The following ZFHX3 variants were observed in gnomAD, a reference collection of about 807,000 sequenced individuals.
ZFHX3 encodes the protein zinc finger homeobox protein 3.
In ZFHX3, 42 loss-of-function variants were observed where a neutral mutation model predicts 279.1. The observed-to-expected ratio is 0.15, with a 90% confidence interval of 0.12 to 0.19. The LOEUF (loss-of-function observed/expected upper bound fraction) is 0.19. ZFHX3 is among the 10% of genes least tolerant of loss of function. ZFHX3 has a pLI of 1.00. For missense variants in ZFHX3, 4,981 were observed against 4,754.0 expected (o/e 1.05, Z -1.40); for synonymous variants, 2,293 against 1,957.8 (o/e 1.17, Z -4.52).
At chr16:73,757,541 ATATT>A (rs1034830538) in intron 1 of ZFHX3, among the ~76,000 whole-genome samples, 1 of 152,164 alleles carries the variant, frequency 6.6e-6, no homozygotes, top group Admixed American at 6.5e-5. Flanking sequence ...AATTCAGTAA[ATATT>A]TATTGGGCAC....
chr16:73,013,447 C>T (rs556647939), intron 1 of ZFHX3, among the ~76,000 whole-genome samples: 5 of 151,996 alleles, frequency 3.3e-5, no homozygotes, highest in Non-Finnish European at 7.4e-5. Context: ...GCCACCACAC[C>T]CAGCTAATTT....
intron 3 of ZFHX3, among the ~76,000 whole-genome samples, chr16:72,930,540 A>G (rs1959730536): frequency 6.6e-6 from 1 of 152,220 alleles, no homozygotes; most frequent in Non-Finnish European, 1.5e-5. Flanking sequence ...ATCTGAACAC[A>G]ACCCGCTTGT....
At position 73,682,870 on chromosome 16, in the gene ZFHX3, GAA is replaced by G. The variant is rs1196944976; in HGVS notation, c.-1607-2632_-1607-2631del. On this transcript the variant is annotated intron_variant, in intron 1 of 17. Transcript: ENST00000641206. ...AAAGAAAGAGAAAGAAAGAAAGAAA[GAA>G]AGAAAGAAAGAAAGAAAGAAAGAAA... Among the ~76,000 whole-genome samples, 26 of 27,820 alleles carry G rather than the reference GAA, an allele frequency of 9.3e-4. 1 individual carries two copies. In the East Asian group the frequency reaches 0.1, roughly 112 times the overall value. The allele number at this position is 27,820 out of a possible 152,430, so 18.3% of individuals were successfully genotyped here.
At chr16:72,874,269 C>T (rs971221585) in intron 4 of ZFHX3, among the ~76,000 whole-genome samples, 2 of 142,104 alleles carry the variant, frequency 1.4e-5, no homozygotes, top group South Asian at 4.6e-4. Context: ...TGCAGTGGCA[C>T]AATCTCGGCT....
intron 1 of ZFHX3, among the ~76,000 whole-genome samples, chr16:73,839,793 A>G (rs1567426889): frequency 2.0e-5 from 3 of 152,156 alleles, no homozygotes; most frequent in African/African-American, 4.8e-5. Flanking sequence ...GCCCTCCGAC[A>G]TGGGAAACAG....
At chr16:73,583,220 A>C (rs1439214588) in intron 2 of ZFHX3, among the ~76,000 whole-genome samples, 1 of 152,194 alleles carries the variant, frequency 6.6e-6, no homozygotes, top group African/African-American at 2.4e-5. Flanking sequence ...TTCCCCAAGA[A>C]ATGAGCCTAT....
intron 2 of ZFHX3, among the ~76,000 whole-genome samples, chr16:73,516,733 T>G (rs2019528875): frequency 1.3e-5 from 2 of 152,198 alleles, no homozygotes; most frequent in African/African-American, 4.8e-5. Context: ...GTGCAGGAGC[T>G]CTGTCTGACT....
At chr16:73,126,992 G>C (rs189482827) in intron 7 of ZFHX3, 1 of 161,578 alleles carries the variant, frequency 6.2e-6, no homozygotes, top group Non-Finnish European at 1.4e-5. Flanking sequence ...AAAAGAAAAC[G>C]GGAGAGGAAG....
intron 1 of ZFHX3, among the ~76,000 whole-genome samples, chr16:73,850,569 G>A (rs891299011): frequency 1.3e-5 from 2 of 152,168 alleles, no homozygotes; most frequent in African/African-American, 4.8e-5. Flanking sequence ...AAGTTAGAAT[G>A]TGCTTTCAGG....
At chr16:73,178,412 C>T (rs975108720) in intron 5 of ZFHX3, among the ~76,000 whole-genome samples, 7 of 152,202 alleles carry the variant, frequency 4.6e-5, no homozygotes, top group South Asian at 2.1e-4. Flanking sequence ...GTGCTGGGAT[C>T]GCAGGCGTGA....
intron 3 of ZFHX3, among the ~76,000 whole-genome samples, chr16:73,414,044 A>G (rs1198294465): frequency 6.6e-6 from 1 of 152,238 alleles, no homozygotes; most frequent in Non-Finnish European, 1.5e-5. Context: ...AAACAAAAAA[A>G]CTGTTTAACC....
At position 72,796,332 on chromosome 16, in the gene ZFHX3, T is replaced by C; in HGVS notation, c.6350A>G (p.Gln2117Arg). 1 of 1,614,016 alleles carries C rather than the reference T, an allele frequency of 6.2e-7. No individual in the cohort carries two copies. The highest frequency in any genetic ancestry group is 8.5e-7 in the Non-Finnish European group (1 of 1,180,008). ...AGGCAGAGGCTCCACAGGTCCCAGCTGCGGGGGTAGCTGAGCCGGCAAGGT... is the reference window on the plus strand; with the variant it reads ...AGGCAGAGGCTCCACAGGTCCCAGCCGCGGGGGTAGCTGAGCCGGCAAGGT... ...LQTLPAQLPP[Q>R]LGPVEPLPAD... is the part of the protein sequence containing the mutation. Residue 2117 changes from glutamine (Q) to arginine (R), a missense_variant, in exon 9 of 10, where the codon CAG (glutamine) becomes CGG (arginine). By Grantham distance (43) the Gln-to-Arg change is conservative (BLOSUM62 1). Coordinates refer to ENST00000268489, the MANE Select transcript of ZFHX3 (RefSeq NM_006885.4).
At chr16:72,805,860 GCTT>G (rs1236934053) in intron 7 of ZFHX3, 1 of 152,166 alleles carries the variant, frequency 6.6e-6, no homozygotes, top group Non-Finnish European at 1.5e-5. Flanking sequence ...AAAAGGCTCA[GCTT>G]CTTCTCTCCT....
intron 4 of ZFHX3, among the ~76,000 whole-genome samples, chr16:72,875,004 G>A (rs572825059): frequency 6.2e-4 from 94 of 152,342 alleles, no homozygotes; most frequent in Non-Finnish European, 2.1e-4. Flanking sequence ...GAGGTGTCAG[G>A]TCTCTCTTCC....
chr16:72,794,072 T>C lies in ZFHX3; in HGVS notation c.8610A>G (p.Ala2870=), dbSNP rs201791564. 6.2e-7 allele frequency: 1 copy of C among 1,614,232 alleles called. No individual in the cohort carries two copies. The highest frequency in any genetic ancestry group is 2.2e-5 in the East Asian group (1 of 44,882). The change falls in exon 9 of 10, where the codon GCA becomes GCG. Residue 2870 remains alanine, a synonymous_variant. Transcript: ENST00000268489. The surrounding 1 kb of genome is among the most constrained non-coding windows in gnomAD (Gnocchi z 4.2). ...CCGCTTTGGTCAACCCTTCGTTGGG[T>C]GCAGAAGAGGATTTGGTTTCAGTTG... The part of the protein sequence containing the change: ...GIATETKSSS[A]PNEGLTKAAM...
At position 72,959,731 on chromosome 16, in the gene ZFHX3, C is replaced by T. The variant is rs780015879; in HGVS notation, c.415G>A (p.Gly139Ser). ...AGGCTCTCCACAATGTACGCGGAGCCGTCCGGCTGGTAGACGATCTCCCCG... is the reference window on the plus strand; with the variant it reads ...AGGCTCTCCACAATGTACGCGGAGCTGTCCGGCTGGTAGACGATCTCCCCG... ...LAGEIVYQPD[G>S]SAYIVESLSQ... The change falls in exon 2 of 10, where the codon GGC becomes AGC. Residue 139 changes from glycine to serine, a missense_variant. Transcript: ENST00000268489. 6.2e-7 allele frequency: 1 copy of T among 1,612,990 alleles called. No homozygotes were observed. The highest frequency in any genetic ancestry group is 8.5e-7 in the Non-Finnish European group (1 of 1,179,312).
chr16:73,281,080 C>A (rs2014447648), intron 4 of ZFHX3, among the ~76,000 whole-genome samples: 3 of 140,844 alleles, frequency 2.1e-5, no homozygotes, highest in African/African-American at 5.4e-5. Flanking sequence ...AAAAGTTTCT[C>A]CAAAAAGTAA....
intron 1 of ZFHX3, chr16:73,891,533 A>G (rs1648770378): frequency 6.6e-6 from 1 of 152,256 alleles, no homozygotes; most frequent in Non-Finnish European, 1.5e-5. Context: ...ATATGAATGT[A>G]AAGGGAAAGA....
chr16:72,967,746 C>T (rs924528016), intron 1 of ZFHX3, among the ~76,000 whole-genome samples: 6 of 146,726 alleles, frequency 4.1e-5, no homozygotes, highest in African/African-American at 1.3e-4. Flanking sequence ...GAAACCCCGT[C>T]TCTACTAAAA....
Sources: allele counts gnomAD v4.1 joint callset (sites outside exome capture counted in the v4.1 genomes callset), GRCh38; gene constraint gnomAD v4.1.1; non-coding constraint Gnocchi (gnomAD v3.1); transcripts MANE v1.5; gene names NCBI Gene and HGNC (gene_info 2026-07-23, HGNC 2026-07-21).